Variants in ROBO1 observed in about 807,000 individuals in gnomAD.
ROBO1 encodes the protein roundabout guidance receptor 1.
In ROBO1, 149 loss-of-function variants were observed where a neutral mutation model predicts 195.9. That is an observed-to-expected ratio of 0.76 (90% confidence interval 0.67 to 0.87). The LOEUF (loss-of-function observed/expected upper bound fraction) is 0.87, where lower values mean the gene tolerates loss of function less well. Ranked by LOEUF, ROBO1 falls within the 40% of genes least tolerant of loss-of-function variation. ROBO1 has a pLI of 0.00. For missense variants in ROBO1, 1,933 were observed against 2,068.3 expected, an observed-to-expected ratio of 0.93 and a Z score of 1.27; for synonymous variants, 816 against 733.2, an observed-to-expected ratio of 1.11 and a Z score of -1.82.
At chr3:78,788,516 T>C (rs77061155) in intron 4 of ROBO1, among the ~76,000 whole-genome samples, 3,678 of 149,638 alleles carry the variant, frequency 0.025, 171 homozygotes, top group African/African-American at 0.085. Flanking sequence ...TAATAAAGTC[T>C]GATATAAGAA....
Position 78,651,747 on chromosome 3 carries a change from C to T in ROBO1, c.2797G>A (p.Ala933Thr), listed in dbSNP as rs868209549. 7.5e-6 allele frequency: 12 copies of T among 1,607,446 alleles called. No homozygotes were observed. Among genetic ancestry groups the T allele is most frequent in the East Asian group, 4.5e-5 (2 of 44,496 alleles). ...AAGCTAATACCTTTTCTGATACCCGCGTAGGTACTAGTAAGTCCGTTTCTC... is the reference window on the plus strand; with the variant it reads ...AAGCTAATACCTTTTCTGATACCCGTGTAGGTACTAGTAAGTCCGTTTCTC... ...KKRNGLTSTYAGIRKVPSFTF... is the reference protein window; with the variant it reads ...KKRNGLTSTYTGIRKVPSFTF... Residue 933 changes from alanine to threonine, a missense_variant, in exon 19 of 31, where the codon GCG becomes ACG. Ala to Thr is a moderately conservative substitution (Grantham distance 58). Coordinates refer to ENST00000464233, the MANE Select transcript of ROBO1 (RefSeq NM_002941.4).
chr3:79,274,494 C>T (rs1351087804), intron 2 of ROBO1, among the ~76,000 whole-genome samples: 6 of 151,812 alleles, frequency 4.0e-5, no homozygotes, highest in Admixed American at 2.0e-4. Flanking sequence ...CGGGATACAG[C>T]AAAAGCTGTA....
chr3:78,823,286 A>C (rs1269985145), intron 4 of ROBO1, among the ~76,000 whole-genome samples: 2 of 149,912 alleles, frequency 1.3e-5, no homozygotes, highest in African/African-American at 4.9e-5. Flanking sequence ...CCTTATTGTT[A>C]ATGAAAGACA....
chr3:79,653,162 AATT>A (rs1440715890), intron 1 of ROBO1, among the ~76,000 whole-genome samples: 1 of 151,824 alleles, frequency 6.6e-6, no homozygotes, highest in African/African-American at 2.4e-5. Context: ...TGTTATATAA[AATT>A]ATTATAAATG....
intron 2 of ROBO1, among the ~76,000 whole-genome samples, chr3:79,233,983 G>A (rs1559753486): frequency 1.3e-5 from 2 of 151,900 alleles, no homozygotes; most frequent in South Asian, 2.1e-4. Context: ...CCACTTGTAC[G>A]TCTTCTTTGA....
chr3:79,335,962 C>T (rs1288804331), intron 2 of ROBO1, among the ~76,000 whole-genome samples: 3 of 152,080 alleles, frequency 2.0e-5, no homozygotes, highest in Admixed American at 6.6e-5. Flanking sequence ...AAAAGGTGAC[C>T]CTTGCTGTGC....
intron 2 of ROBO1, among the ~76,000 whole-genome samples, chr3:79,308,582 A>G (rs1232393430): frequency 6.6e-6 from 1 of 152,186 alleles, no homozygotes; most frequent in Non-Finnish European, 1.5e-5. Flanking sequence ...AGAGAAATGC[A>G]TGGTGAAAAG....
At chr3:79,442,640 C>T (rs2107135154) in intron 2 of ROBO1, among the ~76,000 whole-genome samples, 1 of 152,126 alleles carries the variant, frequency 6.6e-6, no homozygotes, top group African/African-American at 2.4e-5. Flanking sequence ...ATGGAAGGTG[C>T]CTCAGTTGGC....
chr3:78,798,948 AAAAT>A (rs1489801116), intron 4 of ROBO1, among the ~76,000 whole-genome samples: 1 of 152,206 alleles, frequency 6.6e-6, no homozygotes, highest in Non-Finnish European at 1.5e-5. Context: ...GAAAGATAGA[AAAAT>A]TACAAAACAA....
chr3:78,881,439 A>C (rs181573281), intron 4 of ROBO1, among the ~76,000 whole-genome samples: 1 of 152,208 alleles, frequency 6.6e-6, no homozygotes, highest in African/African-American at 2.4e-5. Context: ...GCACTAAAAA[A>C]TTTGAAGAAA....
chr3:78,891,128 T>C (rs779969479), intron 4 of ROBO1, among the ~76,000 whole-genome samples: 31 of 152,148 alleles, frequency 2.0e-4, no homozygotes, highest in Non-Finnish European at 3.8e-4. Flanking sequence ...GTCAAAGAGA[T>C]GTGATTACAT....
At chr3:79,625,035 A>T (rs1162241597) in intron 1 of ROBO1, among the ~76,000 whole-genome samples, 15 of 152,194 alleles carry the variant, frequency 9.9e-5, no homozygotes, top group African/African-American at 3.1e-4. Flanking sequence ...AGAACTCAGG[A>T]TTAAGAAACT....
chr3:78,832,475 T>A (rs1293627509), intron 4 of ROBO1, among the ~76,000 whole-genome samples: 1 of 152,192 alleles, frequency 6.6e-6, no homozygotes. Flanking sequence ...ATGAGCTACT[T>A]GACATCTGCC....
chr3:79,619,670 GACCTCTCCC>G, intron 1 of ROBO1, among the ~76,000 whole-genome samples: 1 of 152,110 alleles, frequency 6.6e-6, no homozygotes, highest in East Asian at 1.9e-4. Context: ...TTCTCTATTG[GACCTCTCCC>G]AGATCAGTTA....
chr3:79,611,748 G>T (rs923700582), intron 1 of ROBO1, among the ~76,000 whole-genome samples: 6 of 152,054 alleles, frequency 3.9e-5, no homozygotes, highest in Admixed American at 2.0e-4. Context: ...GGAGTGGGGG[G>T]ACTAAGGGAG....
chr3:79,674,351 T>C (rs971445273), intron 1 of ROBO1, among the ~76,000 whole-genome samples: 2 of 152,024 alleles, frequency 1.3e-5, no homozygotes, highest in Non-Finnish European at 2.9e-5. Flanking sequence ...AAATAATTAA[T>C]ATTTTAAAGC....
chr3:79,693,338 CA>C lies in ROBO1; in HGVS notation c.-51+74413del, dbSNP rs1181190928. On this transcript the variant is annotated intron_variant, in intron 1 of 30. Coordinates refer to ENST00000464233, the MANE Select transcript of ROBO1 (RefSeq NM_002941.4). ...TCTAAAGTAGTTTTATTGAAATACA[CA>C]AGCAGATCACCTGTTAATAAAATAC... is the stretch of plus-strand genomic sequence containing the variant. Among the ~76,000 whole-genome samples the C allele has an allele frequency of 4.6e-5, 7 of 151,528 alleles. No individual in the cohort carries two copies. The East Asian group carries it at 1.4e-3, about 30-fold the overall frequency.
chr3:79,673,177 TAAC>T (rs1417815603), intron 1 of ROBO1, among the ~76,000 whole-genome samples: 1 of 152,074 alleles, frequency 6.6e-6, no homozygotes, highest in Non-Finnish European at 1.5e-5. Context: ...TTGTTTTATG[TAAC>T]AACATTTATA....
At chr3:78,684,067 A>G (rs1559743552) in intron 10 of ROBO1, among the ~76,000 whole-genome samples, 1 of 152,092 alleles carries the variant, frequency 6.6e-6, no homozygotes, top group East Asian at 1.9e-4. Context: ...TGTCCACTAA[A>G]GGCAAACCAA....
Sources: allele counts gnomAD v4.1 joint callset (sites outside exome capture counted in the v4.1 genomes callset), GRCh38; gene constraint gnomAD v4.1.1; transcripts MANE v1.5; gene names NCBI Gene and HGNC (gene_info 2026-07-23, HGNC 2026-07-21).